LAPTM4B: variants seen among roughly 807,000 people sequenced by gnomAD.
LAPTM4B encodes the protein lysosomal protein transmembrane 4 beta.
A neutral mutation model predicts 28.5 loss-of-function variants in LAPTM4B; 26 were observed. That is an observed-to-expected ratio of 0.91 (90% CI 0.67 to 1.27). The LOEUF is 1.27. Among genes scored for constraint, LAPTM4B ranks in the 50% most tolerant of loss-of-function variants. The pLI is 0.00. For missense variants in LAPTM4B, 288 were observed against 285.8 expected (o/e 1.01, Z -0.06); for synonymous variants, 109 against 106.4 (o/e 1.02, Z -0.15).
intron 6 of LAPTM4B, among the ~76,000 whole-genome samples, chr8:97,841,971 T>G (rs759966104): frequency 6.6e-6 from 1 of 152,214 alleles, no homozygotes; most frequent in Non-Finnish European, 1.5e-5. Flanking sequence ...GCTTGGAGAC[T>G]GTACTTTCTC....
chr8:97,825,931 G>C (rs1817084745), intron 6 of LAPTM4B, among the ~76,000 whole-genome samples: 1 of 152,220 alleles, frequency 6.6e-6, no homozygotes, highest in South Asian at 2.1e-4. Flanking sequence ...AAAACGGATA[G>C]GATTGGACTG....
intron 5 of LAPTM4B, among the ~76,000 whole-genome samples, chr8:97,822,129 C>T (rs1817013482): frequency 6.6e-6 from 1 of 152,060 alleles, no homozygotes; most frequent in African/African-American, 2.4e-5. Flanking sequence ...GTCCTCTGAC[C>T]TCCAAGCCTG....
At chr8:97,787,257 G>T (rs966929455) in intron 1 of LAPTM4B, among the ~76,000 whole-genome samples, 1 of 151,558 alleles carries the variant, frequency 6.6e-6, no homozygotes, top group Non-Finnish European at 1.5e-5. Flanking sequence ...ATGTGACTTA[G>T]CTGTGAGGGA....
intron 1 of LAPTM4B, among the ~76,000 whole-genome samples, chr8:97,778,322 T>C (rs902014943): frequency 2.0e-5 from 3 of 152,086 alleles, no homozygotes; most frequent in African/African-American, 7.2e-5. Flanking sequence ...CTTTTTTTTT[T>C]TTAAAGTAGT....
chr8:97,789,038 C>CTTTATTTA (rs71570264), intron 1 of LAPTM4B, among the ~76,000 whole-genome samples: 31 of 140,816 alleles, frequency 2.2e-4, no homozygotes, highest in East Asian at 4.2e-4. Flanking sequence ...GGTGCTCACT[C>CTTTATTTA]TTTATTTATT....
At chr8:97,810,779 C>T (rs1440110143) in intron 2 of LAPTM4B, among the ~76,000 whole-genome samples, 1 of 152,170 alleles carries the variant, frequency 6.6e-6, no homozygotes, top group Non-Finnish European at 1.5e-5. Context: ...GTAGATTTGT[C>T]TTTCTGGTCA....
chr8:97,783,260 A>G (rs1292070460), intron 1 of LAPTM4B, among the ~76,000 whole-genome samples: 1 of 151,490 alleles, frequency 6.6e-6, no homozygotes, highest in African/African-American at 2.4e-5. Context: ...CTTTCTTTTT[A>G]ATTTTCTTTC....
At chr8:97,793,787 TG>T (rs1291617970) in intron 1 of LAPTM4B, among the ~76,000 whole-genome samples, 1 of 152,204 alleles carries the variant, frequency 6.6e-6, no homozygotes, top group Non-Finnish European at 1.5e-5. Flanking sequence ...CTAGGGCTGC[TG>T]GCAAGTATTC....
At chr8:97,828,298 TA>T (rs1465195547) in intron 6 of LAPTM4B, among the ~76,000 whole-genome samples, 3 of 152,126 alleles carry the variant, frequency 2.0e-5, no homozygotes, top group Admixed American at 6.5e-5. Flanking sequence ...AGAGAAAGGT[TA>T]AATTGAAGGG....
At chr8:97,789,810 C>T (rs1296259422) in intron 1 of LAPTM4B, among the ~76,000 whole-genome samples, 1 of 152,132 alleles carries the variant, frequency 6.6e-6, no homozygotes, top group Non-Finnish European at 1.5e-5. Flanking sequence ...CATGAGCCAC[C>T]TTGCCCGGCC....
intron 6 of LAPTM4B, among the ~76,000 whole-genome samples, chr8:97,838,474 A>G (rs1817295792): frequency 6.6e-6 from 1 of 152,234 alleles, no homozygotes; most frequent in Non-Finnish European, 1.5e-5. Flanking sequence ...CAATCACACA[A>G]GAGTCCTTCA....
intron 1 of LAPTM4B, among the ~76,000 whole-genome samples, chr8:97,777,440 G>C (rs992886880): frequency 6.6e-6 from 1 of 151,976 alleles, no homozygotes; most frequent in African/African-American, 2.4e-5. Flanking sequence ...GTGAGCCACC[G>C]CGCCCGGCCG....
chr8:97,810,174 G>A (rs1010854118), intron 2 of LAPTM4B, among the ~76,000 whole-genome samples: 2 of 151,950 alleles, frequency 1.3e-5, no homozygotes, highest in Non-Finnish European at 2.9e-5. Context: ...CGTCATTCTC[G>A]ACGTCCCAAA....
At chr8:97,834,804 T>A (rs369120208) in intron 6 of LAPTM4B, among the ~76,000 whole-genome samples, 36 of 152,316 alleles carry the variant, frequency 2.4e-4, no homozygotes, top group African/African-American at 7.9e-4. Flanking sequence ...GCCCCAAATG[T>A]GGAATGAGCC....
At chr8:97,800,011 T>C (rs1449644990) in intron 1 of LAPTM4B, among the ~76,000 whole-genome samples, 1 of 152,190 alleles carries the variant, frequency 6.6e-6, no homozygotes, top group African/African-American at 2.4e-5. Flanking sequence ...CTGCAACCCC[T>C]GACTGTAACT....
intron 6 of LAPTM4B, among the ~76,000 whole-genome samples, chr8:97,836,906 G>C (rs1348604808): frequency 6.6e-6 from 1 of 151,712 alleles, no homozygotes; most frequent in Non-Finnish European, 1.5e-5. Flanking sequence ...GGTGAGTGTG[G>C]CTTCTTTGGT....
chr8:97,776,698 C>CT (rs947026439), intron 1 of LAPTM4B, among the ~76,000 whole-genome samples: 2 of 151,950 alleles, frequency 1.3e-5, no homozygotes, highest in Non-Finnish European at 2.9e-5. Flanking sequence ...GGTCCCCCCC[C>CT]CGATGTTTTA....
intron 1 of LAPTM4B, among the ~76,000 whole-genome samples, chr8:97,797,700 A>G (rs914844064): frequency 1.4e-5 from 2 of 145,250 alleles, no homozygotes; most frequent in African/African-American, 5.2e-5. Context: ...GATTTTTTTT[A>G]TTGAGGCTTT....
intron 1 of LAPTM4B, among the ~76,000 whole-genome samples, chr8:97,782,457 G>C (rs1424929496): frequency 1.3e-5 from 2 of 151,184 alleles, no homozygotes; most frequent in Non-Finnish European, 2.9e-5. Flanking sequence ...TTTTGTTTTT[G>C]AGACAGAGCC....
Sources: gnomAD v4.1 joint callset for allele counts (sites outside exome capture counted in the v4.1 genomes callset) on GRCh38, gnomAD v4.1.1 for gene constraint, MANE v1.5 for transcripts, NCBI Gene and HGNC (gene_info 2026-07-23, HGNC 2026-07-21) for gene names.